OXR1: variants seen among roughly 807,000 people sequenced by gnomAD.
The protein encoded by OXR1 is oxidation resistance 1, also known as oxidation resistance protein 1.
In OXR1, 41 loss-of-function variants were observed where a neutral mutation model predicts 104.6. The observed-to-expected ratio is 0.39, with a 90% CI of 0.31 to 0.51. OXR1 has a LOEUF of 0.51. OXR1 is among the 20% of genes least tolerant of loss of function. OXR1 has a pLI of 0.77. For synonymous variants in OXR1, 348 were observed against 348.4 expected (o/e 1.00, Z 0.01); for missense variants, 955 against 1,031.9 (o/e 0.93, Z 1.02).
At chr8:106,626,340 A>C (rs1287877236) in intron 3 of OXR1, among the ~76,000 whole-genome samples, 1 of 151,844 alleles carries the variant, frequency 6.6e-6, no homozygotes, top group Non-Finnish European at 1.5e-5. Context: ...TTTCTAAAAA[A>C]AAAAAGTCTT....
At chr8:106,436,946 T>C (rs1046597828) in intron 2 of OXR1, among the ~76,000 whole-genome samples, 1 of 152,152 alleles carries the variant, frequency 6.6e-6, no homozygotes, top group Non-Finnish European at 1.5e-5. Context: ...AAGTGGTACA[T>C]TGTACCTTCC....
rs1310007985 is a variant in OXR1 at position 106,706,969 on chromosome 8, A to T, written c.1448A>T (p.Asn483Ile). Residue 483 changes from asparagine (N) to isoleucine (I), a missense_variant, in exon 9 of 17, where the codon AAC becomes ATC. Physicochemically the swap from Asn to Ile is moderately radical, Grantham distance 149. This residue lies in a region of OXR1 where 849 missense variants were observed against 852.9 expected (regional missense o/e 1.00). Transcript: ENST00000517566. Reference sequence around the variant, plus strand: ...GAATTTAAACAAAAGCAAAGTGTTAACAAAGGAAAACAAGGAAAGGAGCAA... The same window carrying T: ...GAATTTAAACAAAAGCAAAGTGTTATCAAAGGAAAACAAGGAAAGGAGCAA... ...TAEFKQKQSV[N>I]KGKQGKEQNQ... 2 of 1,613,746 alleles carry T rather than the reference A, an allele frequency of 1.2e-6. No individual in the cohort carries two copies. Among genetic ancestry groups the T allele is most frequent in the Non-Finnish European group, 1.7e-6 (2 of 1,179,964 alleles).
intron 2 of OXR1, among the ~76,000 whole-genome samples, chr8:106,400,292 T>G (rs901930508): frequency 1.3e-5 from 2 of 152,184 alleles, no homozygotes; most frequent in Non-Finnish European, 2.9e-5. Flanking sequence ...AGGAGTATTC[T>G]TTATATCACC....
At chr8:106,302,309 G>A (rs1440369354) in intron 1 of OXR1, among the ~76,000 whole-genome samples, 3 of 152,168 alleles carry the variant, frequency 2.0e-5, no homozygotes, top group Admixed American at 6.5e-5. Flanking sequence ...TCAGCCGAGC[G>A]CGGTGGCTCA....
intron 1 of OXR1, among the ~76,000 whole-genome samples, chr8:106,323,671 A>G (rs1814328665): frequency 6.6e-6 from 1 of 152,176 alleles, no homozygotes; most frequent in Non-Finnish European, 1.5e-5. Flanking sequence ...CAAGATAAAA[A>G]CAAAAACCCC....
intron 2 of OXR1, among the ~76,000 whole-genome samples, chr8:106,502,877 G>A (rs1811902869): frequency 2.0e-5 from 3 of 152,168 alleles, no homozygotes; most frequent in East Asian, 3.9e-4. Flanking sequence ...ACTAAACTCA[G>A]TTTTGTACAA....
intron 3 of OXR1, among the ~76,000 whole-genome samples, chr8:106,637,726 C>T (rs1823261907): frequency 6.6e-6 from 1 of 151,332 alleles, no homozygotes; most frequent in Admixed American, 6.6e-5. Flanking sequence ...ATCAGATAGC[C>T]CTAAGAGTAT....
chr8:106,422,601 T>G (rs1394007068), intron 2 of OXR1, among the ~76,000 whole-genome samples: 2 of 152,174 alleles, frequency 1.3e-5, no homozygotes, highest in African/African-American at 4.8e-5. Context: ...GTTTTTCACT[T>G]GTATCATTTC....
intron 3 of OXR1, among the ~76,000 whole-genome samples, chr8:106,545,086 C>T (rs78283326): frequency 0.017 from 2,559 of 152,174 alleles, 55 homozygotes; most frequent in East Asian, 0.099. Context: ...CTGGCCTATA[C>T]CCACTAGATG....
chr8:106,379,867 A>G (rs944873175), intron 2 of OXR1, among the ~76,000 whole-genome samples: 34 of 152,222 alleles, frequency 2.2e-4, no homozygotes, highest in African/African-American at 7.9e-4. Context: ...TCATGTTTAA[A>G]GTACTTGAAA....
chr8:106,750,947 A>G lies in OXR1; in HGVS notation c.*6A>G. 1 of 1,597,668 alleles carries G rather than the reference A, an allele frequency of 6.3e-7. No individual in the cohort carries two copies. Among genetic ancestry groups the G allele is most frequent in the South Asian group, 1.1e-5 (1 of 87,782 alleles). On this transcript the variant is annotated 3_prime_UTR_variant, in exon 17 of 17. Transcript: ENST00000517566. ...AAATCTGGGCTTTTGAATAAATAAA[A>G]TGCTCTCTGTCTTAGCAGGAGAATG...
At chr8:106,430,430 G>A (rs560054229) in intron 2 of OXR1, among the ~76,000 whole-genome samples, 78 of 152,266 alleles carry the variant, frequency 5.1e-4, no homozygotes, top group Non-Finnish European at 7.2e-4. Flanking sequence ...GGTTTTAACA[G>A]CTGCCTCAGG....
intron 3 of OXR1, among the ~76,000 whole-genome samples, chr8:106,669,168 A>G (rs958233327): frequency 1.3e-5 from 2 of 152,092 alleles, no homozygotes; most frequent in Non-Finnish European, 2.9e-5. Context: ...AACATGCAGA[A>G]GAAGTCTCTT....
intron 2 of OXR1, among the ~76,000 whole-genome samples, chr8:106,405,985 T>G (rs923694485): frequency 6.6e-6 from 1 of 152,232 alleles, no homozygotes; most frequent in Non-Finnish European, 1.5e-5. Context: ...CTCTATCTTA[T>G]ATACTGTATA....
intron 2 of OXR1, among the ~76,000 whole-genome samples, chr8:106,412,446 C>T (rs994126983): frequency 6.6e-6 from 1 of 152,116 alleles, no homozygotes; most frequent in Non-Finnish European, 1.5e-5. Flanking sequence ...TTAAAATTGT[C>T]ACCATAATAA....
At chr8:106,277,164 A>T in intron 1 of OXR1, among the ~76,000 whole-genome samples, 1 of 152,222 alleles carries the variant, frequency 6.6e-6, no homozygotes, top group East Asian at 1.9e-4. Context: ...CATATGATCA[A>T]TTGGAATAAT....
chr8:106,564,300 A>G (rs1236715901), intron 3 of OXR1, among the ~76,000 whole-genome samples: 1 of 152,176 alleles, frequency 6.6e-6, no homozygotes, highest in African/African-American at 2.4e-5. Context: ...GATAAAGGGG[A>G]GATCACCACT....
chr8:106,571,158 C>T (rs1174960673), intron 3 of OXR1, among the ~76,000 whole-genome samples: 1 of 151,498 alleles, frequency 6.6e-6, no homozygotes, highest in Non-Finnish European at 1.5e-5. Context: ...TAAATGGAAA[C>T]ATTGGGTTTT....
intron 3 of OXR1, among the ~76,000 whole-genome samples, chr8:106,540,299 CGTGGG>C (rs1814852130): frequency 6.6e-6 from 1 of 151,988 alleles, no homozygotes; most frequent in Non-Finnish European, 1.5e-5. Flanking sequence ...ATCTAAAGCC[CGTGGG>C]TAAAAGTTCC....
Sources: gnomAD v4.1 joint callset for allele counts (sites outside exome capture counted in the v4.1 genomes callset) on GRCh38, gnomAD v4.1.1 for gene constraint, gnomAD v4.1.1 regional missense constraint, MANE v1.5 for transcripts, NCBI Gene and HGNC (gene_info 2026-07-23, HGNC 2026-07-21) for gene names.